The following AK1 variants were observed in gnomAD, a reference collection of about 807,000 sequenced individuals.
AK1 encodes the protein adenylate kinase 1, also known as adenylate kinase isoenzyme 1.
Under a neutral mutation model 23.9 loss-of-function variants are expected in AK1, and 13 were observed. The ratio of observed to expected loss-of-function variants is 0.54; its 90% CI spans 0.35 to 0.86. The LOEUF is 0.86. AK1 is among the 40% of genes least tolerant of loss of function. The probability of loss-of-function intolerance (pLI) is 0.01; values close to 1 mark genes in which losing one functional copy is unlikely to be tolerated. For missense variants in AK1, 214 were observed against 255.1 expected (o/e 0.84, Z 1.10); for synonymous variants, 97 against 102.8 (o/e 0.94, Z 0.34).
upstream of AK1, chr9:127,878,396 C>G (rs1829585599): frequency 1.3e-5 from 2 of 152,370 alleles, no homozygotes; most frequent in Admixed American, 1.3e-4. Context: ...CTGTGCTAAG[C>G]AGCAGACTCC....
intron 3 of AK1, 49 bp downstream of exon 3, chr9:127,872,975 TCC>T: frequency 6.2e-7 from 1 of 1,613,548 alleles, no homozygotes; most frequent in South Asian, 1.1e-5. Context: ...CCGGGCTCCC[TCC>T]AGTGCCAGTG....
At chr9:127,874,921 C>T (rs1829502222) in intron 1 of AK1, 2 of 475,248 alleles carry the variant, frequency 4.2e-6, no homozygotes, top group Non-Finnish European at 3.9e-6. Context: ...CCTGGGTTCC[C>T]GCTGGAGGGG....
At chr9:127,872,580 G>A in intron 4 of AK1, 110 bp downstream of exon 4, 1 of 1,444,618 alleles carries the variant, frequency 6.9e-7, no homozygotes, top group Admixed American at 1.8e-5. Context: ...TTTGGAGCCG[G>A]GGGCGGTTAC....
chr9:127,867,762 T>G lies in AK1; in HGVS notation c.*246A>C, dbSNP rs1489142581. 12 of 502,670 alleles carry G rather than the reference T, an allele frequency of 2.4e-5. No individual in the cohort carries two copies. The highest frequency in any genetic ancestry group is 3.6e-5 in the Non-Finnish European group (10 of 275,450). 31.1% of individuals were successfully genotyped at this position (502,670 alleles called of 1,614,324 possible). A position where few individuals can be genotyped will look rare whatever the true frequency, so the allele number is the denominator to read the frequency against. On this transcript the variant is annotated 3_prime_UTR_variant, in exon 7 of 7. Coordinates refer to ENST00000644144, the MANE Select transcript of AK1 (RefSeq NM_000476.3). ...GAGGAGGAACGGAGGGTTGAGGGGCTGGGGACTTGCGGCCAGGTAGGCACA... is the reference window on the plus strand; with the variant it reads ...GAGGAGGAACGGAGGGTTGAGGGGCGGGGGACTTGCGGCCAGGTAGGCACA...
Position 127,872,731 on chromosome 9 carries a change from T to C in AK1, c.166A>G (p.Lys56Glu). ...CCCTTCTCCATGATTTCCGACAGCT[T>C]CTTGCCCCTGGCCGAGCCTGAGCTG... ...EVSSGSARGK[K>E]LSEIMEKGQL... Residue 56 changes from lysine to glutamate, a missense_variant, in exon 4 of 7, where the codon AAG becomes GAG. Lys to Glu is a moderately conservative substitution (Grantham distance 56). Transcript: ENST00000644144. 7 of 1,614,096 alleles carry C rather than the reference T, an allele frequency of 4.3e-6. No individual in the cohort carries two copies. The highest frequency in any genetic ancestry group is 4.2e-6 in the Non-Finnish European group (5 of 1,179,986).
upstream of AK1, among the ~76,000 whole-genome samples, chr9:127,879,284 G>T (rs1829598079): frequency 6.6e-6 from 1 of 152,138 alleles, no homozygotes; most frequent in Admixed American, 6.6e-5. Context: ...CAAGTTGTTT[G>T]TGGTTAATGG....
At chr9:127,876,261 C>T (rs903915373) in intron 1 of AK1, among the ~76,000 whole-genome samples, 3 of 152,234 alleles carry the variant, frequency 2.0e-5, no homozygotes, top group African/African-American at 4.8e-5. Flanking sequence ...TGCACAACCA[C>T]GCTGTACTGG....
intron 2 of AK1, chr9:127,873,289 A>T (rs937719885): frequency 1.3e-6 from 2 of 1,532,886 alleles, no homozygotes; most frequent in African/African-American, 2.7e-5. Context: ...CCAGACGGGC[A>T]GAGGCAAAAG....
In AK1 at chr9:127,876,650, C is replaced by T. The variant is rs376237367; in HGVS notation, c.-33+973G>A. Among the ~76,000 whole-genome samples, 12 of 152,136 alleles carry T rather than the reference C, an allele frequency of 7.9e-5. No homozygotes were observed. In the East Asian group the frequency reaches 1.7e-3, roughly 22 times the overall value. On this transcript the variant is annotated intron_variant, in intron 1 of 6. Transcript: ENST00000644144. ...ACAGTGAAGCCCTGAGAAGTGGCCT[C>T]GACCCCGCCCTGCCCCGCCCCCCTC...
intron 4 of AK1, among the ~76,000 whole-genome samples, 195 bp downstream of exon 4, chr9:127,872,495 G>A (rs545629821): frequency 4.7e-4 from 71 of 152,306 alleles, no homozygotes; most frequent in Non-Finnish European, 7.3e-5. Flanking sequence ...GTTGGGGGCA[G>A]GGCAGAGTCC....
chr9:127,870,701 G>A (rs1206931691), intron 5 of AK1, among the ~76,000 whole-genome samples: 1 of 152,134 alleles, frequency 6.6e-6, no homozygotes, highest in East Asian at 1.9e-4. Flanking sequence ...ACACTTTCCT[G>A]AGGTCTTGCA....
In AK1 at chr9:127,872,790, T is replaced by C; in HGVS notation, c.107A>G (p.His36Arg). The C allele has an allele frequency of 6.2e-7, 1 of 1,613,586 alleles. No individual in the cohort carries two copies. ...EKIVQKYGYTHLSTGDLLRSE... is the reference protein window; with the variant it reads ...EKIVQKYGYTRLSTGDLLRSE... ...CCGCAGGAGGTCCCCGGTGGAGAGG[T>C]GGGTGTAGCCATACTTCTGCACGAT... The change falls in exon 4 of 7, where the codon CAC becomes CGC. Residue 36 changes from histidine to arginine, a missense_variant. His to Arg is a conservative substitution (Grantham distance 29). Transcript: ENST00000644144.
chr9:127,875,830 T>A (rs1482643151), intron 1 of AK1, among the ~76,000 whole-genome samples: 1 of 151,788 alleles, frequency 6.6e-6, no homozygotes, highest in African/African-American at 2.4e-5. Context: ...CTCCCCAGGC[T>A]CTCTCCGTCT....
chr9:127,873,523 C>A (rs574789065), intron 2 of AK1: 5 of 1,442,510 alleles, frequency 3.5e-6, no homozygotes, highest in Non-Finnish European at 4.6e-6. Flanking sequence ...TCACCCGCCT[C>A]CCCCGGCAGT....
chr9:127,872,332 A>G (rs1399987423), intron 4 of AK1, among the ~76,000 whole-genome samples: 2 of 151,828 alleles, frequency 1.3e-5, no homozygotes, highest in Non-Finnish European at 2.9e-5. Context: ...GGGCTTCTGG[A>G]GTAGAAAATT....
In AK1 at chr9:127,872,758, C is replaced by A. The variant is rs755673410; in HGVS notation, c.139G>T (p.Val47Phe). 6.2e-7 allele frequency: 1 copy of A among 1,614,172 alleles called. No individual in the cohort carries two copies. Among genetic ancestry groups the A allele is most frequent in the South Asian group, 1.1e-5 (1 of 91,080 alleles). Reference protein sequence around the residue: ...LSTGDLLRSEVSSGSARGKKL... With the variant: ...LSTGDLLRSEFSSGSARGKKL... ...TTGCCCCTGGCCGAGCCTGAGCTGA[C>A]CTCGGACCGCAGGAGGTCCCCGGTG... The change falls in exon 4 of 7, where the codon GTC becomes TTC. Residue 47 changes from valine to phenylalanine, a missense_variant. Coordinates refer to ENST00000644144, the MANE Select transcript of AK1 (RefSeq NM_000476.3).
chr9:127,872,249 G>A, intron 4 of AK1, among the ~76,000 whole-genome samples: 1 of 152,224 alleles, frequency 6.6e-6, no homozygotes, highest in East Asian at 1.9e-4. Flanking sequence ...AGGGGCTGGT[G>A]AGGGGACAGA....
chr9:127,870,836 CAT>C (rs879397277), intron 5 of AK1, among the ~76,000 whole-genome samples: 39,771 of 131,028 alleles, frequency 0.3, 5,498 homozygotes, highest in Admixed American at 0.34. Context: ...GGGAATGGGG[CAT>C]GGGGATGGGA....
At chr9:127,878,175 TG>T (rs1273769195), upstream of AK1, among the ~76,000 whole-genome samples, 2 of 152,192 alleles carry the variant, frequency 1.3e-5, no homozygotes, top group Non-Finnish European at 2.9e-5. Context: ...GAGACCCACC[TG>T]GGACTCCTCT....
Sources: allele counts gnomAD v4.1 joint callset (sites outside exome capture counted in the v4.1 genomes callset), GRCh38; gene constraint gnomAD v4.1.1; transcripts MANE v1.5; gene names NCBI Gene and HGNC (gene_info 2026-07-23, HGNC 2026-07-21).